The following ATP9A variants were observed in gnomAD, a reference collection of about 807,000 sequenced individuals.
ATP9A encodes the protein probable phospholipid-transporting ATPase IIA.
Under a neutral mutation model 144.1 loss-of-function variants are expected in ATP9A, and 52 were observed. The ratio of observed to expected loss-of-function variants is 0.36; its 90% CI spans 0.29 to 0.45. The LOEUF (loss-of-function observed/expected upper bound fraction) is 0.45, where lower values mean the gene tolerates loss of function less well. ATP9A is among the 20% of genes least tolerant of loss of function. ATP9A has a pLI of 1.00. For missense variants in ATP9A, 947 were observed against 1,392.7 expected (o/e 0.68, Z 5.09); for synonymous variants, 582 against 557.4 (o/e 1.04, Z -0.62).
At chr20:51,607,285 C>G (rs1200190736) in intron 26 of ATP9A, among the ~76,000 whole-genome samples, 2 of 152,212 alleles carry the variant, frequency 1.3e-5, no homozygotes, top group African/African-American at 4.8e-5. Context: ...GCCCCACAGG[C>G]TTTGATTACT....
intron 3 of ATP9A, among the ~76,000 whole-genome samples, chr20:51,715,871 G>A (rs1482789364): frequency 3.3e-5 from 5 of 152,198 alleles, no homozygotes; most frequent in African/African-American, 1.2e-4. Context: ...GGCAGCTGTT[G>A]GAGCTGGTGA....
intron 11 of ATP9A, 88 bp downstream of exon 11, chr20:51,674,065 A>G (rs186491200): frequency 5.6e-6 from 8 of 1,431,584 alleles, no homozygotes; most frequent in Non-Finnish European, 7.5e-6. Flanking sequence ...AACAATAATA[A>G]TAATAAAAGC....
In ATP9A at chr20:51,713,563, CAT is replaced by C. The variant is rs376498842; in HGVS notation, c.328-491_328-490del. ...GAGGCTGAGTAATCTTGCCCAAAGA[CAT>C]AAAGCTACTAAGTGATAAATGGGAA... On this transcript the variant is annotated intron_variant, in intron 3 of 27. Transcript: ENST00000338821. Among the ~76,000 whole-genome samples, 785 of 152,296 alleles carry C rather than the reference CAT, an allele frequency of 5.2e-3. 1 individual carries two copies. Among genetic ancestry groups the C allele is most frequent in the Middle Eastern group, 0.02 (6 of 294 alleles).
chr20:51,658,242 T>A lies in ATP9A; in HGVS notation c.1294-1092A>T, dbSNP rs368124844. ...TGGGAGGCCAAGGCGGGTGGATCACTTGAGGTCAGGAGTTCAAGACCAGCC... is the reference window on the plus strand; with the variant it reads ...TGGGAGGCCAAGGCGGGTGGATCACATGAGGTCAGGAGTTCAAGACCAGCC... On this transcript the variant is annotated intron_variant, in intron 13 of 27. Coordinates refer to ENST00000338821, the MANE Select transcript of ATP9A (RefSeq NM_006045.3). 3.5e-3 allele frequency among the ~76,000 whole-genome samples: 534 copies of A among 152,144 alleles called. 4 individuals carry two copies. Among genetic ancestry groups the A allele is most frequent in the African/African-American group, 0.012 (518 of 41,516 alleles).
chr20:51,746,516 T>A (rs1011585739), intron 1 of ATP9A, among the ~76,000 whole-genome samples: 7 of 151,556 alleles, frequency 4.6e-5, no homozygotes, highest in African/African-American at 9.7e-5. Flanking sequence ...CTGGCCAACA[T>A]AGCTAAACGC....
At chr20:51,745,143 T>G (rs566903667) in intron 1 of ATP9A, among the ~76,000 whole-genome samples, 33 of 151,954 alleles carry the variant, frequency 2.2e-4, no homozygotes, top group Non-Finnish European at 3.7e-4. Context: ...CAGGTGTGGC[T>G]GTAGTCCCAG....
chr20:51,621,186 G>T (rs962331295), intron 19 of ATP9A, among the ~76,000 whole-genome samples: 3 of 150,954 alleles, frequency 2.0e-5, no homozygotes, highest in African/African-American at 4.9e-5. Flanking sequence ...GCCACTCTAC[G>T]TATGACAGTG....
chr20:51,712,926 T>C (rs1474435816), intron 4 of ATP9A, 40 bp downstream of exon 4: 4 of 1,542,568 alleles, frequency 2.6e-6, no homozygotes, highest in East Asian at 2.4e-5. Context: ...CGGCCCGTGA[T>C]TGAGCTGCAA....
chr20:51,689,491 G>A (rs918232259), intron 8 of ATP9A, among the ~76,000 whole-genome samples: 2 of 151,928 alleles, frequency 1.3e-5, no homozygotes, highest in Non-Finnish European at 2.9e-5. Context: ...AAGAGAATGT[G>A]GACAATGTAA....
chr20:51,623,801 AAAAG>A (rs71192537), intron 18 of ATP9A, among the ~76,000 whole-genome samples: 11 of 133,420 alleles, frequency 8.2e-5, no homozygotes, highest in South Asian at 6.8e-4. Flanking sequence ...AAAAAAAAAA[AAAAG>A]AAAGAAAGAA....
At chr20:51,610,195 A>G in intron 23 of ATP9A, 30 bp from the exon 24 acceptor site, 1 of 1,548,258 alleles carries the variant, frequency 6.5e-7, no homozygotes, top group Non-Finnish European at 8.9e-7. Context: ...GGATGTCACC[A>G]AAAGTCATGA....
In ATP9A at chr20:51,690,682, A is replaced by G. The variant is rs373015680; in HGVS notation, c.723+57T>C. ...GAACTGTCAGTACTTCTTGGCCTTC[A>G]TTTCATCCCTTACACACTCCCGGTG... On this transcript the variant is annotated intron_variant, in intron 8 of 27. Coordinates refer to ENST00000338821, the MANE Select transcript of ATP9A (RefSeq NM_006045.3). The G allele has an allele frequency of 9.6e-6, 14 of 1,450,942 alleles. No individual in the cohort carries two copies. In the South Asian group the frequency reaches 1.6e-4, roughly 17 times the overall value. The allele number at this position is 1,450,942 out of a possible 1,614,324, so 89.9% of individuals were successfully genotyped here.
chr20:51,606,611 C>T (rs1249966504), intron 26 of ATP9A, among the ~76,000 whole-genome samples: 1 of 152,142 alleles, frequency 6.6e-6, no homozygotes, highest in African/African-American at 2.4e-5. Context: ...GGTTTCTAGA[C>T]AGGAATTAAA....
intron 1 of ATP9A, among the ~76,000 whole-genome samples, chr20:51,765,135 C>T (rs1174019774): frequency 6.6e-6 from 1 of 152,034 alleles, no homozygotes; most frequent in African/African-American, 2.4e-5. Context: ...TTACTTTTTT[C>T]TTCCTTTAAC....
Position 51,610,163 on chromosome 20 carries a change from A to G in ATP9A, c.2574T>C (p.Ala858=). 1.9e-6 allele frequency: 3 copies of G among 1,608,288 alleles called. No individual in the cohort carries two copies. Among genetic ancestry groups the G allele is most frequent in the Non-Finnish European group, 2.6e-6 (3 of 1,174,620 alleles). The change falls in exon 24 of 28, where the codon GCT becomes GCC. Residue 858 remains alanine (A), a splice_region_variant and synonymous_variant. Coordinates refer to ENST00000338821, the MANE Select transcript of ATP9A (RefSeq NM_006045.3). The part of the protein sequence containing the change: ...HRSLCISTMQ[A]VFSSVFYFAS... ...CAAAGTAAAACACGGAGGAAAAGAC[A>G]GCCTGTGCCAAGGAGAGAGGAGGAT...
chr20:51,714,944 C>A (rs1335870432), intron 3 of ATP9A, among the ~76,000 whole-genome samples: 1 of 152,220 alleles, frequency 6.6e-6, no homozygotes, highest in Non-Finnish European at 1.5e-5. Context: ...TACTTCCAAT[C>A]TAGATTTTTT....
intron 14 of ATP9A, among the ~76,000 whole-genome samples, chr20:51,650,265 G>A (rs1373725589): frequency 1.3e-5 from 2 of 152,174 alleles, no homozygotes; most frequent in Non-Finnish European, 2.9e-5. Flanking sequence ...GCTGGGTGTG[G>A]TGGCTCACGC....
intron 9 of ATP9A, among the ~76,000 whole-genome samples, chr20:51,683,006 C>G (rs1256402956): frequency 6.6e-6 from 1 of 150,604 alleles, no homozygotes; most frequent in South Asian, 2.1e-4. Flanking sequence ...GCAGGAGAAT[C>G]GCTTGAACCC....
chr20:51,601,297 T>C lies in ATP9A; in HGVS notation c.3058A>G (p.Thr1020Ala). The C allele has an allele frequency of 6.2e-7, 1 of 1,613,400 alleles. No homozygotes were observed. Among genetic ancestry groups the C allele is most frequent in the Non-Finnish European group, 8.5e-7 (1 of 1,179,738 alleles). Reference protein sequence around the residue: ...LSFLWKVSVITLVSCLPLYVL... With the variant: ...LSFLWKVSVIALVSCLPLYVL... ...TAGAGGGGGAGGCAGCTGACCAGAG[T>C]GATGACGGAGACTTTCCACAAGAAT... is the stretch of plus-strand genomic sequence containing the variant. Residue 1020 changes from threonine to alanine, a missense_variant, in exon 28 of 28, where the codon ACT becomes GCT. Thr to Ala is a moderately conservative substitution (Grantham distance 58). Around this residue, in one of 2 missense-constraint regions of ATP9A, gnomAD observed 177 missense variants for 344.9 expected, o/e 0.51. Coordinates refer to ENST00000338821, the MANE Select transcript of ATP9A (RefSeq NM_006045.3).
Sources: gnomAD v4.1 joint callset for allele counts (sites outside exome capture counted in the v4.1 genomes callset) on GRCh38, gnomAD v4.1.1 for gene constraint, gnomAD v4.1.1 regional missense constraint, MANE v1.5 for transcripts, NCBI Gene and HGNC (gene_info 2026-07-23, HGNC 2026-07-21) for gene names.